Variants in ARIH2 observed in about 807,000 individuals in gnomAD.
ARIH2 encodes E3 ubiquitin-protein ligase ARIH2.
In ARIH2, 12 loss-of-function variants were observed where a neutral mutation model predicts 79.8. The observed-to-expected ratio is 0.15, with a 90% CI of 0.10 to 0.24. ARIH2 has a LOEUF of 0.24. ARIH2 is among the 10% of genes least tolerant of loss of function. The pLI, the probability that ARIH2 is intolerant of heterozygous loss-of-function variation, is 1.00. For synonymous variants in ARIH2, 224 were observed against 213.9 expected (o/e 1.05, Z -0.41); for missense variants, 301 against 618.3 (o/e 0.49, Z 5.44).
At chr3:48,942,776 C>T (rs144176320) in intron 3 of ARIH2, among the ~76,000 whole-genome samples, 183 of 151,986 alleles carry the variant, frequency 1.2e-3, no homozygotes, top group African/African-American at 4.2e-3. Flanking sequence ...CTCAGCCTCC[C>T]GAGTAACTGG....
chr3:48,980,868 A>G (rs2107695409), intron 13 of ARIH2, among the ~76,000 whole-genome samples: 1 of 150,182 alleles, frequency 6.7e-6, no homozygotes, highest in Admixed American at 6.6e-5. Context: ...TAAAAATACA[A>G]AAATTAGCTG....
intron 3 of ARIH2, among the ~76,000 whole-genome samples, chr3:48,944,743 C>A (rs1040940059): frequency 1.3e-5 from 2 of 152,096 alleles, no homozygotes; most frequent in Non-Finnish European, 2.9e-5. Context: ...TAATTTTGCC[C>A]CATCGTAGGC....
chr3:48,940,664 G>A (rs931190031), intron 3 of ARIH2, among the ~76,000 whole-genome samples: 2 of 151,076 alleles, frequency 1.3e-5, no homozygotes, highest in Non-Finnish European at 3.0e-5. Flanking sequence ...GCATGGTGGC[G>A]CGTGCCTGTA....
chr3:48,935,269 G>A (rs2086954180), intron 3 of ARIH2, among the ~76,000 whole-genome samples: 1 of 152,206 alleles, frequency 6.6e-6, no homozygotes, highest in Non-Finnish European at 1.5e-5. Context: ...TGCCCTGGTA[G>A]ACATTGCATT....
chr3:48,973,759 C>G lies in ARIH2; in HGVS notation c.831C>G (p.Leu277=). Residue 277 remains leucine, a synonymous_variant, in exon 9 of 16, where the codon CTC becomes CTG. Coordinates refer to ENST00000356401, the MANE Select transcript of ARIH2 (RefSeq NM_006321.4). ...PTDCATIRKW[L]TKCADDSETA... Reference sequence around the variant, plus strand: ...ACTGTGCCACAATCCGGAAATGGCTCACGAAGTGTGCAGACGACTCTGAAA... The same window carrying G: ...ACTGTGCCACAATCCGGAAATGGCTGACGAAGTGTGCAGACGACTCTGAAA... 6.2e-7 allele frequency: 1 copy of G among 1,614,102 alleles called. No homozygotes were observed. The highest frequency in any genetic ancestry group is 1.3e-5 in the African/African-American group (1 of 75,010).
rs1351132468 is a variant in ARIH2 at position 48,948,494 on chromosome 3, G to A, written c.256-13118G>A. Among the ~76,000 whole-genome samples the A allele has an allele frequency of 3.3e-5, 5 of 150,726 alleles. No individual in the cohort carries two copies. The East Asian group carries it at 9.9e-4, about 30-fold the overall frequency. On this transcript the variant is annotated intron_variant, in intron 3 of 15. Coordinates refer to ENST00000356401, the MANE Select transcript of ARIH2 (RefSeq NM_006321.4). ...GTAGAGATGGAGTTTCTCCATGTTG[G>A]TCAGGCTGGTCTGGAACTCCCAACC...
rs766755804 is a variant in ARIH2, at chr3:48,974,825, G to A, written c.897G>A (p.Lys299=). The A allele has an allele frequency of 2.0e-5, 32 of 1,613,288 alleles. No homozygotes were observed. The highest frequency in any genetic ancestry group is 2.7e-5 in the Non-Finnish European group (32 of 1,180,048). ...CCCTTCTGTCTCCTCAGTGTCCCAAGTGCAACATCTGCATTGAGAAGAATG... is the reference window on the plus strand; with the variant it reads ...CCCTTCTGTCTCCTCAGTGTCCCAAATGCAACATCTGCATTGAGAAGAATG... ...YISAHTKDCP[K]CNICIEKNGG... is the part of the protein sequence containing the mutation. Residue 299 remains lysine, a synonymous_variant, in exon 10 of 16, where the codon AAG becomes AAA. Coordinates refer to ENST00000356401, the MANE Select transcript of ARIH2 (RefSeq NM_006321.4).
intron 3 of ARIH2, among the ~76,000 whole-genome samples, chr3:48,950,409 C>T (rs1034138170): frequency 3.9e-5 from 6 of 152,134 alleles, no homozygotes; most frequent in South Asian, 2.1e-4. Context: ...TCCAGTATCT[C>T]CACTGTCTTG....
intron 3 of ARIH2, among the ~76,000 whole-genome samples, chr3:48,944,704 G>C (rs2088866392): frequency 6.6e-6 from 1 of 152,082 alleles, no homozygotes; most frequent in African/African-American, 2.4e-5. Context: ...AGCCCTATGA[G>C]ACCCCACTAC....
intron 13 of ARIH2, among the ~76,000 whole-genome samples, chr3:48,981,139 G>A (rs2092733962): frequency 6.6e-6 from 1 of 151,526 alleles, no homozygotes; most frequent in African/African-American, 2.4e-5. Flanking sequence ...AGACCAGCCT[G>A]GGCAACATGA....
chr3:48,970,603 C>T lies in ARIH2; in HGVS notation c.669C>T (p.Tyr223=). ...TCTTGGTGTGTTCACAGAGTCATTACCAGCTCCAGCTGTGCCCTGGTGCAG... is the reference window on the plus strand; with the variant it reads ...TCTTGGTGTGTTCACAGAGTCATTATCAGCTCCAGCTGTGCCCTGGTGCAG... ...YLFRDYVESH[Y]QLQLCPGADC... The change falls in exon 8 of 16, where the codon TAC becomes TAT. Residue 223 remains tyrosine (Y), a synonymous_variant. Coordinates refer to ENST00000356401, the MANE Select transcript of ARIH2 (RefSeq NM_006321.4). The T allele has an allele frequency of 1.2e-6, 2 of 1,613,044 alleles. No homozygotes were observed. The highest frequency in any genetic ancestry group is 2.2e-5 in the East Asian group (1 of 44,872).
intron 2 of ARIH2, among the ~76,000 whole-genome samples, chr3:48,926,377 C>T (rs149104614): frequency 2.0e-5 from 3 of 151,908 alleles, no homozygotes; most frequent in African/African-American, 7.3e-5. Flanking sequence ...AAGCGTTTCT[C>T]CTGTCTTAGC....
At chr3:48,919,974 ATTT>A (rs768780567) in intron 1 of ARIH2, among the ~76,000 whole-genome samples, 28 of 135,402 alleles carry the variant, frequency 2.1e-4, no homozygotes, top group Non-Finnish European at 1.3e-4. Flanking sequence ...TCTGGAGGAA[ATTT>A]TTTTTTTTTT....
Position 48,918,877 on chromosome 3 carries a change from G to A in ARIH2, c.-283G>A. On this transcript the variant is annotated 5_prime_UTR_variant, in exon 1 of 16. Coordinates refer to ENST00000356401, the MANE Select transcript of ARIH2 (RefSeq NM_006321.4). ...GGACGACTCTTCTGGAGGAAGCAGC[G>A]CGGGCTTGACCGGCGTCGGCCCGCC... The A allele has an allele frequency of 6.2e-7, 1 of 1,609,084 alleles. No individual in the cohort carries two copies. The highest frequency in any genetic ancestry group is 1.1e-5 in the South Asian group (1 of 90,936).
At chr3:48,923,974 A>G (rs1283297917) in intron 2 of ARIH2, among the ~76,000 whole-genome samples, 1 of 152,178 alleles carries the variant, frequency 6.6e-6, no homozygotes, top group Non-Finnish European at 1.5e-5. Flanking sequence ...TTTATACAAA[A>G]AATAAAATTA....
At chr3:48,944,845 T>C in intron 3 of ARIH2, 2 of 313,496 alleles carry the variant, frequency 6.4e-6, no homozygotes, top group Non-Finnish European at 1.3e-5. Context: ...ACATCATCCC[T>C]TGTCCCCCGG....
chr3:48,957,433 G>A (rs953418525), intron 3 of ARIH2, among the ~76,000 whole-genome samples: 5 of 152,188 alleles, frequency 3.3e-5, no homozygotes, highest in Non-Finnish European at 5.9e-5. Context: ...TCTGGGCTTT[G>A]TGGATCTGTG....
chr3:48,952,993 G>A (rs535612940), intron 3 of ARIH2, among the ~76,000 whole-genome samples: 6 of 151,934 alleles, frequency 3.9e-5, no homozygotes, highest in South Asian at 2.1e-4. Flanking sequence ...GCAGTGGCGC[G>A]ATCTTGGCTC....
At chr3:48,951,723 A>T (rs543946529) in intron 3 of ARIH2, among the ~76,000 whole-genome samples, 3 of 152,212 alleles carry the variant, frequency 2.0e-5, no homozygotes, top group Non-Finnish European at 2.9e-5. Context: ...TATTCATAAC[A>T]TTTTCTTATT....
Sources: gnomAD v4.1 joint callset for allele counts (sites outside exome capture counted in the v4.1 genomes callset) on GRCh38, gnomAD v4.1.1 for gene constraint, MANE v1.5 for transcripts, NCBI Gene and HGNC (gene_info 2026-07-23, HGNC 2026-07-21) for gene names.